COL7A1: variants seen among roughly 807,000 people sequenced by gnomAD.
The protein encoded by COL7A1 is collagen type VII alpha 1 chain, also known as collagen alpha-1(VII) chain.
In COL7A1, 296 loss-of-function variants were observed where a neutral mutation model predicts 456.2. The observed-to-expected ratio is 0.65, with a 90% confidence interval of 0.59 to 0.71. The LOEUF (loss-of-function observed/expected upper bound fraction) is 0.71, where lower values mean the gene tolerates loss of function less well. Among genes scored for constraint, COL7A1 ranks in the 30% least tolerant of loss-of-function variants. The pLI is 0.00. For synonymous variants in COL7A1, 1,464 were observed against 1,525.9 expected, an observed-to-expected ratio of 0.96 and a Z score of 0.95; for missense variants, 3,441 against 4,017.2, an observed-to-expected ratio of 0.86 and a Z score of 3.88.
In COL7A1 at chr3:48,567,926, A is replaced by C; in HGVS notation, c.7876-35T>G. On this transcript the variant is annotated intron_variant, in intron 106 of 118. Coordinates refer to ENST00000681320, the MANE Select transcript of COL7A1 (RefSeq NM_000094.4). The surrounding 1 kb of genome is among the most constrained non-coding windows in gnomAD (Gnocchi z 4.3). Reference sequence around the variant, plus strand: ...AAAAGCAGATGAAGAAGTGATTCCCAGACACCTCACTCTGTGACCCCCTTC... The same window carrying C: ...AAAAGCAGATGAAGAAGTGATTCCCCGACACCTCACTCTGTGACCCCCTTC... 6.2e-7 allele frequency: 1 copy of C among 1,613,476 alleles called. No individual in the cohort carries two copies. Among genetic ancestry groups the C allele is most frequent in the Non-Finnish European group, 8.5e-7 (1 of 1,179,534 alleles).
At position 48,581,463 on chromosome 3, in the gene COL7A1, G is replaced by T. The variant is rs768574749; in HGVS notation, c.4803C>A (p.Gly1601=). 6 of 1,614,084 alleles carry T rather than the reference G, an allele frequency of 3.7e-6. No homozygotes were observed. Among genetic ancestry groups the T allele is most frequent in the South Asian group, 2.2e-5 (2 of 91,080 alleles). Residue 1601 remains glycine (G), a synonymous_variant, in exon 51 of 119, where the codon GGC becomes GGA. Transcript: ENST00000681320. This position sits in a 1 kb window ranked among gnomAD's most constrained non-coding sequence, Gnocchi z 5.8. ...GGGTACTCACTGGGGGTCCTGCTCT[G>T]CCAGTAAGGCCAATGGGACCCTGAA... ...PGDRGPIGLT[G]RAGPPGDSGP...
In COL7A1 at chr3:48,591,751, C is replaced by G; in HGVS notation, c.1429G>C (p.Gly477Arg). 1 of 1,614,152 alleles carries G rather than the reference C, an allele frequency of 6.2e-7. No individual in the cohort carries two copies. The highest frequency in any genetic ancestry group is 8.5e-7 in the Non-Finnish European group (1 of 1,180,024). Reference sequence around the variant, plus strand: ...TAGAGTGTGAGGCGGTACTCAGTGCCCGGCTGCAGCCCATCCAACTGGTAG... The same window carrying G: ...TAGAGTGTGAGGCGGTACTCAGTGCGCGGCTGCAGCCCATCCAACTGGTAG... ...TRYQLDGLQP[G>R]TEYRLTLYTL... Residue 477 changes from glycine (G) to arginine (R), a missense_variant, in exon 12 of 119, where the codon GGC becomes CGC. This residue lies in a region of COL7A1 where 913 missense variants were observed against 1,088.2 expected (regional missense o/e 0.84). Coordinates refer to ENST00000681320, the MANE Select transcript of COL7A1 (RefSeq NM_000094.4). The surrounding 1 kb of genome is among the most constrained non-coding windows in gnomAD (Gnocchi z 7.0).
chr3:48,580,586 G>A lies in COL7A1; in HGVS notation c.5047C>T (p.Arg1683Ter), dbSNP rs760063197. ...AGTCATAGGCTGGGACTCACATTTC[G>A]TCCATCCTCTCCAGGATCTCCCTGG... is the stretch of plus-strand genomic sequence containing the variant. ...GDQGDPGEDG[R>*]NGSPGSSGPK... is the part of the protein sequence containing the mutation. Residue 1683 changes from arginine (R) to a stop codon, truncating the protein, a stop_gained, in exon 55 of 119, where the codon CGA becomes TGA. Transcript: ENST00000681320. LOFTEE classifies it high-confidence loss of function. The surrounding 1 kb of genome is among the most constrained non-coding windows in gnomAD (Gnocchi z 4.5). 13 of 1,613,660 alleles carry A rather than the reference G, an allele frequency of 8.1e-6. No homozygotes were observed. The highest frequency in any genetic ancestry group is 1.7e-5 in the Admixed American group (1 of 59,972).
rs2044879342 is a variant in COL7A1 at position 48,582,933 on chromosome 3, A to G, written c.4518+80T>C. 1.9e-6 allele frequency: 3 copies of G among 1,598,560 alleles called. No homozygotes were observed. The South Asian group carries it at 3.3e-5, about 18-fold the overall frequency. ...AGGAGGGGTGAGGAGCAGGGGTAGC[A>G]GGGGTCAAGGGCAAGAAGTCAGAAC... On this transcript the variant is annotated intron_variant, in intron 44 of 118. Transcript: ENST00000681320.
At chr3:48,582,745 G>C (rs182917654) in intron 44 of COL7A1, 92 bp from the exon 45 acceptor site, 5 of 1,395,374 alleles carry the variant, frequency 3.6e-6, no homozygotes, top group African/African-American at 1.4e-5. Context: ...GCTGGAGAGG[G>C]GTCAGGGAAG....
Position 48,569,964 on chromosome 3 carries a change from G to A in COL7A1, c.7486-49C>T. ...AGCTACAGGAACCAGGGCAGTGGAG[G>A]ACGGAGGAGGATCAGGGGGAGGAGG... On this transcript the variant is annotated intron_variant, in intron 99 of 118. Transcript: ENST00000681320. This position sits in a 1 kb window ranked among gnomAD's most constrained non-coding sequence, Gnocchi z 4.9. The A allele has an allele frequency of 6.2e-7, 1 of 1,612,444 alleles. No homozygotes were observed. The highest frequency in any genetic ancestry group is 8.5e-7 in the Non-Finnish European group (1 of 1,178,816).
intron 18 of COL7A1, 85 bp from the exon 19 acceptor site, chr3:48,589,080 C>T (rs983912058): frequency 6.2e-7 from 1 of 1,603,064 alleles, no homozygotes; most frequent in South Asian, 1.1e-5. Flanking sequence ...ATCTGAAAGT[C>T]AGTGTGAGGT....
At position 48,585,816 on chromosome 3, in the gene COL7A1, G is replaced by A. The variant is rs752896767; in HGVS notation, c.3786+14C>T. 2.0e-5 allele frequency: 32 copies of A among 1,613,894 alleles called. 1 individual carries two copies. The highest frequency in any genetic ancestry group is 1.3e-4 in the East Asian group (6 of 44,890). On this transcript the variant is annotated intron_variant, in intron 30 of 118. Transcript: ENST00000681320. The surrounding 1 kb of genome is among the most constrained non-coding windows in gnomAD (Gnocchi z 4.5). ...TCAACCCATTCTCTATTCCCCGCCC[G>A]CAGGGGCACTCACCATCTCTCCAGG... is the stretch of plus-strand genomic sequence containing the variant.
intron 2 of COL7A1, 32 bp downstream of exon 2, chr3:48,595,043 C>G (rs1353154940): frequency 6.6e-7 from 1 of 1,523,912 alleles, no homozygotes; most frequent in Non-Finnish European, 8.9e-7. Context: ...CGGTGCAGTG[C>G]CCCGGGCCGG....
At position 48,585,971 on chromosome 3, in the gene COL7A1, C is replaced by T. The variant is rs746537981; in HGVS notation, c.3728G>A (p.Arg1243Gln). ...LCQASFTTQP[R>Q]PEPCPVYCPK... ...ACAATACACTGGGCAGGGCTCTGGC[C>T]GGGGCTGCGGACATAGGGTCTCTTT... is the stretch of plus-strand genomic sequence containing the variant. Residue 1243 changes from arginine (R) to glutamine (Q), a missense_variant, in exon 29 of 119, where the codon CGG (arginine) becomes CAG (glutamine). Around this residue, in one of 3 missense-constraint regions of COL7A1, gnomAD observed 2,084 missense variants for 2,501.3 expected, o/e 0.83. Transcript: ENST00000681320. The surrounding 1 kb of genome is among the most constrained non-coding windows in gnomAD (Gnocchi z 4.5). 1.5e-5 allele frequency: 24 copies of T among 1,613,802 alleles called. No individual in the cohort carries two copies. Among genetic ancestry groups the T allele is most frequent in the Middle Eastern group, 1.6e-4 (1 of 6,082 alleles).
In COL7A1 at chr3:48,593,254, T is replaced by C; in HGVS notation, c.530A>G (p.Asn177Ser). ...GVKLFAVGIK[N>S]ADPEELKRVA... ...TCGCTTCAGCTCCTCAGGGTCAGCA[T>C]TCTTGATCCCTGAAGTGACGACCCA... The change falls in exon 6 of 119, where the codon AAT becomes AGT. Residue 177 changes from asparagine to serine, a missense_variant. Physicochemically the swap from Asn to Ser is conservative, Grantham distance 46 (BLOSUM62 1). Transcript: ENST00000681320. The surrounding 1 kb of genome is among the most constrained non-coding windows in gnomAD (Gnocchi z 4.4). The C allele has an allele frequency of 6.2e-7, 1 of 1,614,094 alleles. No homozygotes were observed. Among genetic ancestry groups the C allele is most frequent in the Non-Finnish European group, 8.5e-7 (1 of 1,180,020 alleles).
Position 48,583,101 on chromosome 3 carries a change from C to G in COL7A1, c.4482+26G>C. 6.2e-7 allele frequency: 1 copy of G among 1,614,002 alleles called. No homozygotes were observed. The highest frequency in any genetic ancestry group is 8.5e-7 in the Non-Finnish European group (1 of 1,179,990). On this transcript the variant is annotated intron_variant, in intron 43 of 118. Transcript: ENST00000681320. This position sits in a 1 kb window ranked among gnomAD's most constrained non-coding sequence, Gnocchi z 5.1. Reference sequence around the variant, plus strand: ...AGTTGGGCCCAGATCCTCCAGGGCCCTTGGCACCCCCCAGGTTGCACTTAC... The same window carrying G: ...AGTTGGGCCCAGATCCTCCAGGGCCGTTGGCACCCCCCAGGTTGCACTTAC...
In COL7A1 at chr3:48,584,921, G is replaced by A. The variant is rs141720633; in HGVS notation, c.4000C>T (p.Arg1334Cys). The change falls in exon 34 of 119, where the codon CGT (arginine) becomes TGT (cysteine). Residue 1334 changes from arginine to cysteine, a missense_variant. By Grantham distance (180) the Arg-to-Cys change is radical (BLOSUM62 -3). This residue lies in a region of COL7A1 where 2,084 missense variants were observed against 2,501.3 expected (regional missense o/e 0.83). Coordinates refer to ENST00000681320, the MANE Select transcript of COL7A1 (RefSeq NM_000094.4). Reference protein sequence around the residue: ...LKGSPGLPGPRGDPGERGPRG... With the variant: ...LKGSPGLPGPCGDPGERGPRG... ...GGAAGGCACCTTACCGGGTCCCCAC[G>A]AGGGCCAGGCAACCCTGGAGAGCCC... 4.6e-5 allele frequency: 74 copies of A among 1,613,882 alleles called. No individual in the cohort carries two copies. Among genetic ancestry groups the A allele is most frequent in the Middle Eastern group, 1.6e-4 (1 of 6,082 alleles).
chr3:48,565,385 G>GC lies in COL7A1; in HGVS notation c.8527+24dup. The GC allele has an allele frequency of 6.3e-7, 1 of 1,589,558 alleles. No individual in the cohort carries two copies. Among genetic ancestry groups the GC allele is most frequent in the Non-Finnish European group, 8.6e-7 (1 of 1,167,500 alleles). On this transcript the variant is annotated intron_variant, in intron 116 of 118. Coordinates refer to ENST00000681320, the MANE Select transcript of COL7A1 (RefSeq NM_000094.4). The surrounding 1 kb of genome is among the most constrained non-coding windows in gnomAD (Gnocchi z 4.5). The stretch of plus-strand genomic sequence containing the variant: ...GCGTGTCTCGGCCCCACCCATAGCT[G>GC]CCCCACGGGTTCAGCTGTCCTCACC...
Position 48,588,879 on chromosome 3 carries a change from G to A in COL7A1, c.2431C>T (p.Arg811Trp), listed in dbSNP as rs551951844. 77 of 1,613,630 alleles carry A rather than the reference G, an allele frequency of 4.8e-5. No homozygotes were observed. The highest frequency in any genetic ancestry group is 2.0e-4 in the East Asian group (9 of 44,882). ...GATAYRLAWG[R>W]SEGGPMRHQI... ...CGTCAGGGAGCCATACCTTCACTCC[G>A]GCCCCAGGCCAGTCTGTAAGCTGTG... is the stretch of plus-strand genomic sequence containing the variant. Residue 811 changes from arginine (R) to tryptophan (W), a missense_variant, in exon 19 of 119, where the codon CGG (arginine) becomes TGG (tryptophan). Coordinates refer to ENST00000681320, the MANE Select transcript of COL7A1 (RefSeq NM_000094.4). This position sits in a 1 kb window ranked among gnomAD's most constrained non-coding sequence, Gnocchi z 4.6.
rs368662594 is a variant in COL7A1, at chr3:48,567,679, G to A, written c.7983+31C>T. On this transcript the variant is annotated intron_variant, in intron 108 of 118. Transcript: ENST00000681320. The surrounding 1 kb of genome is among the most constrained non-coding windows in gnomAD (Gnocchi z 4.3). Reference sequence around the variant, plus strand: ...TGAACTTGGCCCCCGTCCACCCGTGGCCCCCTCATTCTGAGCGTGCCCACA... The same window carrying A: ...TGAACTTGGCCCCCGTCCACCCGTGACCCCCTCATTCTGAGCGTGCCCACA... 1.2e-5 allele frequency: 19 copies of A among 1,613,868 alleles called. No homozygotes were observed. Among genetic ancestry groups the A allele is most frequent in the African/African-American group, 2.7e-5 (2 of 74,858 alleles).
chr3:48,572,797 A>G lies in COL7A1; in HGVS notation c.6832-58T>C. On this transcript the variant is annotated intron_variant, in intron 87 of 118. Coordinates refer to ENST00000681320, the MANE Select transcript of COL7A1 (RefSeq NM_000094.4). This position sits in a 1 kb window ranked among gnomAD's most constrained non-coding sequence, Gnocchi z 4.6. The stretch of plus-strand genomic sequence containing the variant: ...TCTCCACCACCACCCCTGCTGCCCC[A>G]CTCCTCATATTTCAGGCCCACAGCT... 3 of 1,608,500 alleles carry G rather than the reference A, an allele frequency of 1.9e-6. No homozygotes were observed. The highest frequency in any genetic ancestry group is 1.1e-5 in the South Asian group (1 of 90,858).
rs879733800 is a variant in COL7A1, at chr3:48,568,348, T to C, written c.7794+151A>G. On this transcript the variant is annotated intron_variant, in intron 105 of 118. Coordinates refer to ENST00000681320, the MANE Select transcript of COL7A1 (RefSeq NM_000094.4). This position sits in a 1 kb window ranked among gnomAD's most constrained non-coding sequence, Gnocchi z 5.2. ...GGCAGGGGACACCATCATAGGCGGC[T>C]ACTGTGGAGGTGGGGGACCCTGGGT... is the stretch of plus-strand genomic sequence containing the variant. 11 of 1,043,704 alleles carry C rather than the reference T, an allele frequency of 1.1e-5. No homozygotes were observed. The highest frequency in any genetic ancestry group is 1.4e-5 in the South Asian group (1 of 72,060). 64.7% of individuals were successfully genotyped at this position (1,043,704 alleles called of 1,614,324 possible).
rs940841577 is a variant in COL7A1, at chr3:48,579,031, T to C, written c.5389-77A>G. 1.3e-6 allele frequency: 2 copies of C among 1,596,068 alleles called. No homozygotes were observed. Among genetic ancestry groups the C allele is most frequent in the Non-Finnish European group, 1.7e-6 (2 of 1,164,518 alleles). On this transcript the variant is annotated intron_variant, in intron 62 of 118. Coordinates refer to ENST00000681320, the MANE Select transcript of COL7A1 (RefSeq NM_000094.4). This position sits in a 1 kb window ranked among gnomAD's most constrained non-coding sequence, Gnocchi z 4.4. Reference sequence around the variant, plus strand: ...AGTCCCTGTGAGCCTAAGGCCTGCATGGCAAGAACATGCCCCACCCAGGCA... The same window carrying C: ...AGTCCCTGTGAGCCTAAGGCCTGCACGGCAAGAACATGCCCCACCCAGGCA...
Sources: gnomAD v4.1 joint callset for allele counts on GRCh38, gnomAD v4.1.1 for gene constraint, gnomAD v4.1.1 regional missense constraint, Gnocchi (gnomAD v3.1) non-coding constraint, MANE v1.5 for transcripts, NCBI Gene and HGNC (gene_info 2026-07-23, HGNC 2026-07-21) for gene names.